EXT2: variants seen among roughly 807,000 people sequenced by gnomAD.
EXT2 encodes exostosin-2.
In EXT2, 53 loss-of-function variants were observed where a neutral mutation model predicts 81.6. The ratio of observed to expected loss-of-function variants is 0.65; its 90% confidence interval spans 0.52 to 0.82. EXT2 has a LOEUF of 0.82. Ranked by LOEUF, EXT2 falls within the 40% of genes least tolerant of loss-of-function variation. The pLI is 0.00. For missense variants in EXT2, 774 were observed against 910.2 expected (o/e 0.85, Z 1.93); for synonymous variants, 320 against 340.0 (o/e 0.94, Z 0.65).
chr11:44,203,857 C>T (rs1179607498), intron 9 of EXT2, among the ~76,000 whole-genome samples: 10 of 152,210 alleles, frequency 6.6e-5, no homozygotes, highest in East Asian at 3.8e-4. Context: ...CACAGTGTGA[C>T]GCCATGCCAG....
intron 7 of EXT2, among the ~76,000 whole-genome samples, chr11:44,163,337 G>A (rs1954952138): frequency 1.3e-5 from 2 of 152,154 alleles, no homozygotes; most frequent in African/African-American, 4.8e-5. Flanking sequence ...TTATTATTGA[G>A]CTTTTTGAGC....
chr11:44,146,767 G>T (rs575387619), intron 7 of EXT2, among the ~76,000 whole-genome samples: 2 of 152,282 alleles, frequency 1.3e-5, no homozygotes, highest in South Asian at 4.1e-4. Flanking sequence ...TCTTGGAGAA[G>T]ACTTTTTTCT....
intron 10 of EXT2, among the ~76,000 whole-genome samples, chr11:44,213,748 G>A (rs1955680870): frequency 6.6e-6 from 1 of 152,136 alleles, no homozygotes; most frequent in Non-Finnish European, 1.5e-5. Context: ...AATCACAAAA[G>A]ATATAATATT....
chr11:44,126,920 T>C lies in EXT2; in HGVS notation c.1044T>C (p.Tyr348=), dbSNP rs2135020895. Residue 348 remains tyrosine (Y), a synonymous_variant, in exon 6 of 14, where the codon TAT becomes TAC. Transcript: ENST00000533608. ...GCVPVVIADS[Y]ILPFSEVLDW... ...TCCCGGTTGTCATTGCAGACTCCTA[T>C]ATTTTGCCTTTCTCTGAAGTTCTTG... The C allele has an allele frequency of 1.9e-6, 3 of 1,614,194 alleles. No homozygotes were observed. Among genetic ancestry groups the C allele is most frequent in the Non-Finnish European group, 2.5e-6 (3 of 1,180,036 alleles).
At chr11:44,233,473 A>C (rs1316337772) in intron 11 of EXT2, among the ~76,000 whole-genome samples, 2 of 152,076 alleles carry the variant, frequency 1.3e-5, no homozygotes, top group East Asian at 3.9e-4. Context: ...TTTTTTTATT[A>C]GGGAGAGATT....
intron 7 of EXT2, among the ~76,000 whole-genome samples, chr11:44,132,310 G>A (rs1954504901): frequency 6.6e-6 from 1 of 152,206 alleles, no homozygotes; most frequent in South Asian, 2.1e-4. Flanking sequence ...ACAGGTCTGA[G>A]ATAAGCTTGG....
chr11:44,128,873 A>G (rs1254921230), intron 6 of EXT2, among the ~76,000 whole-genome samples: 2 of 152,214 alleles, frequency 1.3e-5, no homozygotes, highest in Non-Finnish European at 2.9e-5. Context: ...TCAAGTGCTA[A>G]CTGTGCAAGG....
At chr11:44,177,166 C>A (rs1030484411) in intron 8 of EXT2, among the ~76,000 whole-genome samples, 2 of 152,116 alleles carry the variant, frequency 1.3e-5, no homozygotes, top group Non-Finnish European at 2.9e-5. Flanking sequence ...GAAAGGAATT[C>A]TTTTTGAAAG....
At chr11:44,151,460 A>G (rs1954791075) in intron 7 of EXT2, among the ~76,000 whole-genome samples, 1 of 152,014 alleles carries the variant, frequency 6.6e-6, no homozygotes, top group Non-Finnish European at 1.5e-5. Flanking sequence ...GAAGTCATAT[A>G]GTTGAAATTA....
At chr11:44,215,800 C>T (rs1368719793) in intron 10 of EXT2, among the ~76,000 whole-genome samples, 1 of 151,710 alleles carries the variant, frequency 6.6e-6, no homozygotes, top group East Asian at 1.9e-4. Flanking sequence ...TGCAGCAGAC[C>T]TTTTTAGCTG....
In EXT2 at chr11:44,114,040, A is replaced by G. The variant is rs1954184154; in HGVS notation, c.627-145A>G. 4 of 767,374 alleles carry G rather than the reference A, an allele frequency of 5.2e-6. No individual in the cohort carries two copies. The Admixed American group carries it at 5.7e-5, about 11-fold the overall frequency. 47.5% of individuals were successfully genotyped at this position (767,374 alleles called of 1,614,324 possible). ...GCTGATGGCCCCGAGATGCGTGTAT[A>G]AGGCATTGTCTTTATAGAAAACTGA... On this transcript the variant is annotated intron_variant, in intron 3 of 13. Coordinates refer to ENST00000533608, the MANE Select transcript of EXT2 (RefSeq NM_207122.2).
At position 44,219,881 on chromosome 11, in the gene EXT2, A is replaced by T. The variant is rs552838250; in HGVS notation, c.1663-12472A>T. On this transcript the variant is annotated intron_variant, in intron 10 of 13. Coordinates refer to ENST00000533608, the MANE Select transcript of EXT2 (RefSeq NM_207122.2). The stretch of plus-strand genomic sequence containing the variant: ...CAGTGCATCCACTTCCAATAAATAT[A>T]CTTATTGAAAGTATTTCAGCTTTCA... 3.9e-5 allele frequency among the ~76,000 whole-genome samples: 6 copies of T among 152,322 alleles called. No individual in the cohort carries two copies. The East Asian group carries it at 1.2e-3, about 29-fold the overall frequency.
chr11:44,197,835 G>A lies in EXT2; in HGVS notation c.1312G>A (p.Gly438Ser), dbSNP rs775111831. The change falls in exon 9 of 14, where the codon GGC (glycine) becomes AGC (serine). Residue 438 changes from glycine (G) to serine (S), a missense_variant. Physicochemically the swap from Gly to Ser is moderately conservative, Grantham distance 56. Around this residue, in one of 2 missense-constraint regions of EXT2, gnomAD observed 626 missense variants for 670.5 expected, o/e 0.93. Transcript: ENST00000533608. ...TTAATCTGTCCTCTTGTAGAAGTGG[G>A]GCAGCGTGAGCAATCCACTCTTCCT... ...EWNDPPAVKW[G>S]SVSNPLFLPL... 10 of 1,613,924 alleles carry A rather than the reference G, an allele frequency of 6.2e-6. No individual in the cohort carries two copies. Among genetic ancestry groups the A allele is most frequent in the Non-Finnish European group, 8.5e-6 (10 of 1,179,936 alleles).
At chr11:44,098,049 G>A (rs1020701033) in intron 1 of EXT2, among the ~76,000 whole-genome samples, 1 of 152,200 alleles carries the variant, frequency 6.6e-6, no homozygotes, top group Admixed American at 6.5e-5. Context: ...TGTGTTTCAA[G>A]GTGATAAAGT....
chr11:44,122,131 C>T (rs1350229409), intron 4 of EXT2, among the ~76,000 whole-genome samples: 1 of 152,098 alleles, frequency 6.6e-6, no homozygotes, highest in Non-Finnish European at 1.5e-5. Flanking sequence ...AAGAGAAAGG[C>T]TCCAGAAACA....
chr11:44,134,172 C>T (rs773310829), intron 7 of EXT2, among the ~76,000 whole-genome samples: 13 of 152,134 alleles, frequency 8.5e-5, no homozygotes, highest in Non-Finnish European at 1.5e-4. Flanking sequence ...TTCCTTAAGT[C>T]AGTAGAAGAC....
Position 44,250,269 on chromosome 11 carries a change from T to G in EXT2, c.*5982T>G, listed in dbSNP as rs547579941. On this transcript the variant is annotated 3_prime_UTR_variant, in exon 14 of 14. Transcript: ENST00000533608. ...TTTTAGTCCCAGCTGTAAATGAGGA[T>G]TCCATTAACCCCATCTTCTCCAATG... 1.4e-4 allele frequency among the ~76,000 whole-genome samples: 22 copies of G among 152,282 alleles called. No individual in the cohort carries two copies. The highest frequency in any genetic ancestry group is 2.1e-4 in the South Asian group (1 of 4,824).
chr11:44,247,527 C>T lies in EXT2; in HGVS notation c.*3240C>T, dbSNP rs1268655250. ...TTGACCTCCCAAAGTGCTGGGATTA[C>T]GGGCGTGAGTCCCCACGCTCAGCCA... On this transcript the variant is annotated 3_prime_UTR_variant, in exon 14 of 14. Coordinates refer to ENST00000533608, the MANE Select transcript of EXT2 (RefSeq NM_207122.2). 6.6e-6 allele frequency among the ~76,000 whole-genome samples: 1 copy of T among 152,216 alleles called. No individual in the cohort carries two copies. Among genetic ancestry groups the T allele is most frequent in the Non-Finnish European group, 1.5e-5 (1 of 68,032 alleles).
At chr11:44,241,584 G>GTCCTAAAGACTC (rs1956038013) in intron 13 of EXT2, among the ~76,000 whole-genome samples, 1 of 152,216 alleles carries the variant, frequency 6.6e-6, no homozygotes, top group Non-Finnish European at 1.5e-5. Context: ...CCCAGTGTTA[G>GTCCTAAAGACTC]TCCTAAAGAC....
Sources: gnomAD v4.1 joint callset for allele counts (sites outside exome capture counted in the v4.1 genomes callset) on GRCh38, gnomAD v4.1.1 for gene constraint, gnomAD v4.1.1 regional missense constraint, MANE v1.5 for transcripts, NCBI Gene and HGNC (gene_info 2026-07-23, HGNC 2026-07-21) for gene names.